TOPAZ1: variants seen among roughly 807,000 people sequenced by gnomAD.
The protein encoded by TOPAZ1 is testis and ovary specific TOPAZ 1.
In TOPAZ1, 66 loss-of-function variants were observed where a neutral mutation model predicts 172.2. The ratio of observed to expected loss-of-function variants is 0.38; its 90% CI spans 0.31 to 0.47. The LOEUF is 0.47. Ranked by LOEUF, TOPAZ1 falls within the 20% of genes least tolerant of loss-of-function variation. The pLI, the probability that TOPAZ1 is intolerant of heterozygous loss-of-function variation, is 0.99. For missense variants in TOPAZ1, 1,822 were observed against 1,972.4 expected, an observed-to-expected ratio of 0.92 and a Z score of 1.44; for synonymous variants, 681 against 683.9, an observed-to-expected ratio of 1.00 and a Z score of 0.07.
At chr3:44,321,593 G>C (rs1232823004) in intron 17 of TOPAZ1, among the ~76,000 whole-genome samples, 1 of 152,194 alleles carries the variant, frequency 6.6e-6, no homozygotes, top group Non-Finnish European at 1.5e-5. Context: ...CAGATGCCAA[G>C]TTCAAACGCC....
Position 44,304,032 on chromosome 3 carries a change from T to G in TOPAZ1, c.3815T>G (p.Phe1272Cys). 1 of 1,539,344 alleles carries G rather than the reference T, an allele frequency of 6.5e-7. No individual in the cohort carries two copies. Among genetic ancestry groups the G allele is most frequent in the Non-Finnish European group, 8.8e-7 (1 of 1,137,550 alleles). The stretch of plus-strand genomic sequence containing the variant: ...TGTTAAAGGTTACAGATGAGACGAT[T>G]TAAAAAGAACTGGAAGTGTGATTTA... ...EMKSRLQMRR[F>C]KKNWKCDLDS... The change falls in exon 13 of 20, where the codon TTT becomes TGT. Residue 1272 changes from phenylalanine to cysteine, a missense_variant. Physicochemically the swap from Phe to Cys is radical, Grantham distance 205. Coordinates refer to ENST00000309765, the MANE Select transcript of TOPAZ1 (RefSeq NM_001145030.2).
At chr3:44,273,998 G>A (rs1440508940) in intron 8 of TOPAZ1, among the ~76,000 whole-genome samples, 1 of 152,142 alleles carries the variant, frequency 6.6e-6, no homozygotes, top group Non-Finnish European at 1.5e-5. Context: ...GAAAATGAGA[G>A]GCCCAGCGCG....
chr3:44,290,474 T>C (rs1302036420), intron 11 of TOPAZ1, among the ~76,000 whole-genome samples: 1 of 152,156 alleles, frequency 6.6e-6, no homozygotes, highest in Admixed American at 6.6e-5. Flanking sequence ...GAGGTATGAA[T>C]ACCAGTCCTA....
chr3:44,301,248 C>G (rs907493137), intron 12 of TOPAZ1, among the ~76,000 whole-genome samples: 2 of 152,082 alleles, frequency 1.3e-5, no homozygotes, highest in African/African-American at 4.8e-5. Context: ...TGAATAAGGC[C>G]TGTAGTTAAC....
chr3:44,256,625 A>C (rs914318103), intron 4 of TOPAZ1, among the ~76,000 whole-genome samples: 1 of 151,980 alleles, frequency 6.6e-6, no homozygotes, highest in Admixed American at 6.6e-5. Context: ...ATCTTCCTTA[A>C]TTTTCAGGTA....
intron 5 of TOPAZ1, among the ~76,000 whole-genome samples, chr3:44,262,901 A>T (rs1699790490): frequency 6.6e-6 from 1 of 152,212 alleles, no homozygotes; most frequent in Non-Finnish European, 1.5e-5. Context: ...GACACCTTAA[A>T]GACCATCTGA....
In TOPAZ1 at chr3:44,313,617, C is replaced by CA. The variant is rs63007860; in HGVS notation, c.4306+3644dup. 6.6e-3 allele frequency among the ~76,000 whole-genome samples: 661 copies of CA among 99,400 alleles called. 5 individuals are homozygous for CA. The highest frequency in any genetic ancestry group is 0.064 in the East Asian group (136 of 2,110). The allele number at this position is 99,400 out of a possible 152,430, so 65.2% of individuals were successfully genotyped here. A position where few individuals can be genotyped will look rare whatever the true frequency, so the allele number is the denominator to read the frequency against. ...GGGGCAACAAAGCGAGACTCTGTCT[C>CA]AAAAAAAAAAAAAAAAAGCCCCCCA... On this transcript the variant is annotated intron_variant, in intron 16 of 19. Coordinates refer to ENST00000309765, the MANE Select transcript of TOPAZ1 (RefSeq NM_001145030.2).
chr3:44,292,559 C>A (rs550102454), intron 12 of TOPAZ1, among the ~76,000 whole-genome samples: 101 of 152,158 alleles, frequency 6.6e-4, no homozygotes, highest in Non-Finnish European at 1.3e-3. Flanking sequence ...TATCTGGTGC[C>A]CTGAATAGCT....
At chr3:44,317,873 T>C (rs115181874) in intron 16 of TOPAZ1, among the ~76,000 whole-genome samples, 1,544 of 152,376 alleles carry the variant, frequency 0.01, 24 homozygotes, top group African/African-American at 0.035. Context: ...GGTAGAATTG[T>C]GAACTAGCTA....
intron 11 of TOPAZ1, 115 bp from the exon 12 acceptor site, chr3:44,290,656 A>G (rs1016036344): frequency 1.6e-6 from 1 of 627,408 alleles, no homozygotes; most frequent in African/African-American, 1.9e-5. Flanking sequence ...GTTTTATTCC[A>G]CTTGTCTCCA....
At chr3:44,276,141 A>C (rs1699952030) in intron 8 of TOPAZ1, among the ~76,000 whole-genome samples, 1 of 152,176 alleles carries the variant, frequency 6.6e-6, no homozygotes, top group African/African-American at 2.4e-5. Flanking sequence ...ATTTTCTTTC[A>C]TTCAACAGGT....
Position 44,255,039 on chromosome 3 carries a change from G to T in TOPAZ1, c.2827+10G>T. 1 of 1,547,432 alleles carries T rather than the reference G, an allele frequency of 6.5e-7. No homozygotes were observed. Among genetic ancestry groups the T allele is most frequent in the African/African-American group, 1.4e-5 (1 of 73,102 alleles). On this transcript the variant is annotated intron_variant, in intron 3 of 19. Coordinates refer to ENST00000309765, the MANE Select transcript of TOPAZ1 (RefSeq NM_001145030.2). ...GCTTCCAACTCAGCAGGTAAAAGTT[G>T]ACATTTTCAGAATATGCAATATTGA... is the stretch of plus-strand genomic sequence containing the variant.
intron 9 of TOPAZ1, among the ~76,000 whole-genome samples, chr3:44,285,564 A>G (rs1175922457): frequency 1.8e-5 from 2 of 113,266 alleles, no homozygotes; most frequent in South Asian, 4.4e-4. Flanking sequence ...ACAAGAAGGT[A>G]TCATTATTTG....
At chr3:44,269,667 C>T (rs1325500490) in intron 7 of TOPAZ1, among the ~76,000 whole-genome samples, 2 of 151,524 alleles carry the variant, frequency 1.3e-5, no homozygotes, top group Non-Finnish European at 2.9e-5. Flanking sequence ...GTCGTCTAGG[C>T]TGGAGTACAA....
rs527943102 is a variant in TOPAZ1, at chr3:44,290,883, C to G, written c.3794C>G (p.Ser1265Trp). ...ATAACTGCAGTTCTGGAAATGAAAT[C>G]GAGGTGAGAAAAATCATTATTATTT... ...QEITAVLEMK[S>W]RLQMRRFKKN... Residue 1265 changes from serine (S) to tryptophan (W), a missense_variant, in exon 12 of 20, where the codon TCG becomes TGG. By Grantham distance (177) the Ser-to-Trp change is radical. Around this residue, in one of 2 missense-constraint regions of TOPAZ1, gnomAD observed 1,489 missense variants for 1,490.8 expected, o/e 1.00. Transcript: ENST00000309765. The G allele has an allele frequency of 3.9e-6, 6 of 1,533,576 alleles. No homozygotes were observed. The South Asian group carries it at 7.3e-5, about 19-fold the overall frequency. The allele number at this position is 1,533,576 out of a possible 1,614,324, so 95.0% of individuals were successfully genotyped here. A position where few individuals can be genotyped will look rare whatever the true frequency, so the allele number is the denominator to read the frequency against.
At chr3:44,287,340 A>T (rs1476987139) in intron 9 of TOPAZ1, 49 bp from the exon 10 acceptor site, 2 of 1,050,422 alleles carry the variant, frequency 1.9e-6, no homozygotes, top group Admixed American at 7.7e-5. Flanking sequence ...TAAGAAATAC[A>T]GATATCTGAA....
chr3:44,258,420 GC>G (rs772234551), intron 4 of TOPAZ1, among the ~76,000 whole-genome samples: 2 of 152,224 alleles, frequency 1.3e-5, no homozygotes, highest in East Asian at 3.9e-4. Flanking sequence ...CCCTCATGTT[GC>G]CCTTTGATAG....
chr3:44,245,530 CTTT>C (rs531158571), intron 2 of TOPAZ1, among the ~76,000 whole-genome samples: 144 of 82,992 alleles, frequency 1.7e-3, no homozygotes, highest in Middle Eastern at 0.015. Flanking sequence ...CATAGAGTGG[CTTT>C]TTTTTTTTTT....
At position 44,242,956 on chromosome 3, in the gene TOPAZ1, A is replaced by G; in HGVS notation, c.450A>G (p.Thr150=). 1 of 1,550,884 alleles carries G rather than the reference A, an allele frequency of 6.4e-7. No individual in the cohort carries two copies. Among genetic ancestry groups the G allele is most frequent in the Non-Finnish European group, 8.7e-7 (1 of 1,146,776 alleles). ...TAACCAGTTCGGAATCTTTCCAAAC[A>G]GTGGAATGCTTGCAGTCTTTGGGTA... ...ESLTSSESFQ[T]VECLQSLGKE... is the part of the protein sequence containing the mutation. The change falls in exon 2 of 20, where the codon ACA becomes ACG. Residue 150 remains threonine, a synonymous_variant. Coordinates refer to ENST00000309765, the MANE Select transcript of TOPAZ1 (RefSeq NM_001145030.2).
Sources: gnomAD v4.1 joint callset for allele counts (sites outside exome capture counted in the v4.1 genomes callset) on GRCh38, gnomAD v4.1.1 for gene constraint, gnomAD v4.1.1 regional missense constraint, MANE v1.5 for transcripts, NCBI Gene and HGNC (gene_info 2026-07-23, HGNC 2026-07-21) for gene names.